The following PIEZO2 variants were observed in gnomAD, a reference collection of about 807,000 sequenced individuals.
PIEZO2 encodes piezo type mechanosensitive ion channel component 2.
Under a neutral mutation model 337.3 loss-of-function variants are expected in PIEZO2, and 172 were observed. The ratio of observed to expected loss-of-function variants is 0.51; its 90% CI spans 0.45 to 0.58. PIEZO2 has a LOEUF of 0.58. PIEZO2 is among the 20% of genes least tolerant of loss of function. The pLI is 0.00. For missense variants in PIEZO2, 3,028 were observed against 3,391.3 expected, an observed-to-expected ratio of 0.89 and a Z score of 2.66; for synonymous variants, 1,251 against 1,228.5, an observed-to-expected ratio of 1.02 and a Z score of -0.38.
intron 47 of PIEZO2, among the ~76,000 whole-genome samples, chr18:10,693,290 C>T (rs2034930821): frequency 6.6e-6 from 1 of 151,878 alleles, no homozygotes; most frequent in Non-Finnish European, 1.5e-5. Context: ...GTAGATTCCA[C>T]CGGATTTTCT....
intron 2 of PIEZO2, among the ~76,000 whole-genome samples, chr18:10,990,921 A>G (rs2035066169): frequency 6.6e-6 from 1 of 151,978 alleles, no homozygotes; most frequent in South Asian, 2.1e-4. Flanking sequence ...TGTGAAAAAT[A>G]TTTGCAAGCC....
chr18:11,080,265 T>C lies in PIEZO2; in HGVS notation c.65-14043A>G, dbSNP rs1472389897. Among the ~76,000 whole-genome samples the C allele has an allele frequency of 6.6e-6, 1 of 152,252 alleles. No individual in the cohort carries two copies. The highest frequency in any genetic ancestry group is 1.5e-5 in the Non-Finnish European group (1 of 68,044). On this transcript the variant is annotated intron_variant, in intron 1 of 55. Coordinates refer to ENST00000674853, the MANE Select transcript of PIEZO2 (RefSeq NM_001378183.1). The surrounding 1 kb of genome is among the most constrained non-coding windows in gnomAD (Gnocchi z 5.4). ...TCACGATGTCTATGTGTATATTTTG[T>C]ATTTACAAAATAAAATTAAATCTAA...
intron 4 of PIEZO2, among the ~76,000 whole-genome samples, chr18:10,874,230 C>T (rs1254279303): frequency 6.6e-6 from 1 of 151,896 alleles, no homozygotes; most frequent in Admixed American, 6.5e-5. Context: ...CAGCATCACT[C>T]ATCATCAAGG....
intron 2 of PIEZO2, among the ~76,000 whole-genome samples, chr18:11,037,729 C>T (rs1209758482): frequency 1.3e-5 from 2 of 152,176 alleles, no homozygotes; most frequent in African/African-American, 4.8e-5. Context: ...GCCTGTGACT[C>T]CGGCAGTCTG....
chr18:11,075,867 C>A (rs1000479091), intron 1 of PIEZO2, among the ~76,000 whole-genome samples: 1 of 150,084 alleles, frequency 6.7e-6, no homozygotes, highest in Non-Finnish European at 1.5e-5. Context: ...CCGCTCACTG[C>A]AAGCTCTGCC....
intron 9 of PIEZO2, 96 bp from the exon 10 acceptor site, chr18:10,801,524 C>CCTG: frequency 8.9e-7 from 1 of 1,123,490 alleles, no homozygotes. Context: ...CAAGCCCATT[C>CCTG]TCTTTAACTT....
chr18:10,799,996 A>G (rs1222963459), intron 11 of PIEZO2, among the ~76,000 whole-genome samples: 2 of 150,844 alleles, frequency 1.3e-5, no homozygotes, highest in African/African-American at 4.9e-5. Flanking sequence ...AAAAATTCAT[A>G]TATTAACCAG....
intron 2 of PIEZO2, among the ~76,000 whole-genome samples, chr18:11,018,388 TG>T: frequency 1.2e-5 from 1 of 86,070 alleles, no homozygotes; most frequent in South Asian, 3.5e-4. Context: ...ATGTCGTGTG[TG>T]TGTGTGTGTG....
intron 1 of PIEZO2, among the ~76,000 whole-genome samples, chr18:11,089,034 T>C (rs916091660): frequency 1.3e-5 from 2 of 152,142 alleles, no homozygotes; most frequent in African/African-American, 4.8e-5. Context: ...TAACAGCAGT[T>C]ATCAGTCTGT....
chr18:10,715,800 C>T lies in PIEZO2; in HGVS notation c.5106G>A (p.Arg1702=). 1 of 1,527,958 alleles carries T rather than the reference C, an allele frequency of 6.5e-7. No homozygotes were observed. The highest frequency in any genetic ancestry group is 8.8e-7 in the Non-Finnish European group (1 of 1,140,634). The allele number at this position is 1,527,958 out of a possible 1,614,324, so 94.7% of individuals were successfully genotyped here. ...KSDGPDNIIK[R]IFNILKFTWV... is the part of the protein sequence containing the mutation. ...AGGTAAATTTCAAAATATTAAATAT[C>T]CTCTTGATGATATTATCTAGGAGGA... Residue 1702 remains arginine, a synonymous_variant, in exon 38 of 56, where the codon AGG becomes AGA. Transcript: ENST00000674853.
chr18:10,802,770 G>T (rs554094547), intron 9 of PIEZO2, among the ~76,000 whole-genome samples: 18 of 152,194 alleles, frequency 1.2e-4, no homozygotes, highest in African/African-American at 4.3e-4. Flanking sequence ...AGGAGTTCAA[G>T]ACCAGCCAGG....
At chr18:10,873,684 T>A (rs893355820) in intron 4 of PIEZO2, among the ~76,000 whole-genome samples, 1 of 152,148 alleles carries the variant, frequency 6.6e-6, no homozygotes, top group Non-Finnish European at 1.5e-5. Context: ...TACTATAATA[T>A]ACATAAAAAT....
intron 2 of PIEZO2, among the ~76,000 whole-genome samples, chr18:11,023,648 C>T (rs1330928110): frequency 6.6e-6 from 1 of 152,244 alleles, no homozygotes; most frequent in Non-Finnish European, 1.5e-5. Flanking sequence ...GCCGTGTGCC[C>T]ACACTCCTCA....
At chr18:10,686,868 T>A (rs138225892) in intron 49 of PIEZO2, among the ~76,000 whole-genome samples, 526 of 152,266 alleles carry the variant, frequency 3.5e-3, no homozygotes, top group African/African-American at 0.012. Context: ...ATGATCTTTA[T>A]TCAATGGATG....
In PIEZO2 at chr18:10,726,434, G is replaced by A. The variant is rs2036542845; in HGVS notation, c.5029+4973C>T. ...GGCACAACGCGGAGGGCCGGCTGCG[G>A]TACGGGCTACGGCCGGCGAACCCCA... On this transcript the variant is annotated intron_variant, in intron 36 of 55. Coordinates refer to ENST00000674853, the MANE Select transcript of PIEZO2 (RefSeq NM_001378183.1). This position sits in a 1 kb window ranked among gnomAD's most constrained non-coding sequence, Gnocchi z 5.9. 4 of 1,530,188 alleles carry A rather than the reference G, an allele frequency of 2.6e-6. No individual in the cohort carries two copies. The highest frequency in any genetic ancestry group is 2.7e-5 in the African/African-American group (2 of 72,752). The allele number at this position is 1,530,188 out of a possible 1,614,324, so 94.8% of individuals were successfully genotyped here. A position where few individuals can be genotyped will look rare whatever the true frequency, so the allele number is the denominator to read the frequency against.
chr18:10,912,056 TC>T (rs1416002865), intron 3 of PIEZO2, among the ~76,000 whole-genome samples: 4 of 152,176 alleles, frequency 2.6e-5, no homozygotes, highest in Non-Finnish European at 4.4e-5. Context: ...ATTCACATAT[TC>T]TTTTTTTTTT....
chr18:10,732,124 C>A (rs2036812175), intron 35 of PIEZO2, among the ~76,000 whole-genome samples: 1 of 152,134 alleles, frequency 6.6e-6, no homozygotes, highest in Non-Finnish European at 1.5e-5. Context: ...TGCCTTTTGT[C>A]ATTTTCAGTC....
At chr18:10,922,096 C>T (rs1167810855) in intron 3 of PIEZO2, among the ~76,000 whole-genome samples, 1 of 152,094 alleles carries the variant, frequency 6.6e-6, no homozygotes, top group African/African-American at 2.4e-5. Flanking sequence ...GATATCCTAT[C>T]ACCTTGTGAA....
chr18:10,885,928 A>G (rs1278586441), intron 4 of PIEZO2, among the ~76,000 whole-genome samples: 1 of 152,150 alleles, frequency 6.6e-6, no homozygotes, highest in East Asian at 1.9e-4. Flanking sequence ...GTTTGTTCCT[A>G]TTCAAGTCAA....
Sources: allele counts gnomAD v4.1 joint callset (sites outside exome capture counted in the v4.1 genomes callset), GRCh38; gene constraint gnomAD v4.1.1; non-coding constraint Gnocchi (gnomAD v3.1); transcripts MANE v1.5; gene names NCBI Gene and HGNC (gene_info 2026-07-23, HGNC 2026-07-21).